The following PCDHGC4 variants were observed in gnomAD, a reference collection of about 807,000 sequenced individuals.
PCDHGC4 encodes protocadherin gamma subfamily C, 4.
A neutral mutation model predicts 59.7 loss-of-function variants in PCDHGC4; 15 were observed. The observed-to-expected ratio is 0.25, with a 90% CI of 0.17 to 0.39. PCDHGC4 has a LOEUF of 0.39. Among genes scored for constraint, PCDHGC4 ranks in the 10% least tolerant of loss-of-function variants. PCDHGC4 has a pLI of 1.00. For missense variants in PCDHGC4, 1,016 were observed against 1,189.5 expected, an observed-to-expected ratio of 0.85 and a Z score of 2.15; for synonymous variants, 434 against 481.4, an observed-to-expected ratio of 0.90 and a Z score of 1.29.
At position 141,486,931 on chromosome 5, in the gene PCDHGC4, T is replaced by C. The variant is rs201042803; in HGVS notation, c.1758T>C (p.Ala586=). 2 of 1,614,258 alleles carry C rather than the reference T, an allele frequency of 1.2e-6. No homozygotes were observed. Among genetic ancestry groups the C allele is most frequent in the East Asian group, 2.2e-5 (1 of 44,876 alleles). ...AAGCACTGCCTCCATCAGTTGGTGC[T>C]GGCCACCTAATCACAAAGGTGACTG... ...CPQALPPSVG[A]GHLITKVTAV... The change falls in exon 1 of 4, where the codon GCT becomes GCC. Residue 586 remains alanine (A), a synonymous_variant. Coordinates refer to ENST00000306593, the MANE Select transcript of PCDHGC4 (RefSeq NM_018928.3). This position sits in a 1 kb window ranked among gnomAD's most constrained non-coding sequence, Gnocchi z 5.0.
rs1264130543 is a variant in PCDHGC4 at position 141,485,467 on chromosome 5, C to T, written c.294C>T (p.Leu98=). 2 of 1,614,112 alleles carry T rather than the reference C, an allele frequency of 1.2e-6. No homozygotes were observed. The highest frequency in any genetic ancestry group is 1.7e-6 in the Non-Finnish European group (2 of 1,180,024). The change falls in exon 1 of 4, where the codon CTC becomes CTT. Residue 98 remains leucine (L), a synonymous_variant. Transcript: ENST00000306593. The surrounding 1 kb of genome is among the most constrained non-coding windows in gnomAD (Gnocchi z 5.7). ...TCGACCGAGAGGCACTGTGTGGGCT[C>T]AGTGCCAGCTGCATCGTGCCCCTGG... is the stretch of plus-strand genomic sequence containing the variant. The part of the protein sequence containing the change: ...NPIDREALCG[L]SASCIVPLEF...
At chr5:141,510,155 C>G (rs1044168112) in intron 3 of PCDHGC4, among the ~76,000 whole-genome samples, 2 of 151,942 alleles carry the variant, frequency 1.3e-5, no homozygotes, top group African/African-American at 4.8e-5. Context: ...CACCTGTAAT[C>G]TCAGCTACTC....
In PCDHGC4 at chr5:141,490,935, G is replaced by A. The variant is rs1371144225; in HGVS notation, c.2442+3320G>A. On this transcript the variant is annotated intron_variant, in intron 1 of 3. Transcript: ENST00000306593. The surrounding 1 kb of genome is among the most constrained non-coding windows in gnomAD (Gnocchi z 5.4). ...AGAATGATAATGCCCCAGCTGTGCTGCACCCACGGCCAGACTGGGAACACT... is the reference window on the plus strand; with the variant it reads ...AGAATGATAATGCCCCAGCTGTGCTACACCCACGGCCAGACTGGGAACACT... 1.9e-6 allele frequency: 3 copies of A among 1,613,638 alleles called. No homozygotes were observed. The highest frequency in any genetic ancestry group is 2.2e-5 in the South Asian group (2 of 91,032).
chr5:141,509,575 T>C (rs186302231), intron 3 of PCDHGC4, among the ~76,000 whole-genome samples: 153 of 152,320 alleles, frequency 1.0e-3, no homozygotes, highest in African/African-American at 3.7e-3. Flanking sequence ...TCACAGTGCG[T>C]ACAAATCAGC....
rs889285153 is a variant in PCDHGC4, at chr5:141,494,978, T to C, written c.2501+113T>C. ...TGCTACAGATGGCTTCTCCCTCAGT[T>C]TGAGATCCCAGGGAGGTCTTGGTGT... On this transcript the variant is annotated intron_variant, in intron 2 of 3. Transcript: ENST00000306593. 7.6e-6 allele frequency: 12 copies of C among 1,572,974 alleles called. No homozygotes were observed. In the Admixed American group the frequency reaches 1.3e-4, roughly 17 times the overall value.
At position 141,489,385 on chromosome 5, in the gene PCDHGC4, G is replaced by C. The variant is rs893348832; in HGVS notation, c.2442+1770G>C. The stretch of plus-strand genomic sequence containing the variant: ...GCCGGGGACGCTGGTGGGGAATGTT[G>C]CTCAGGATCTGGGCTTAAAGATGAC... On this transcript the variant is annotated intron_variant, in intron 1 of 3. Transcript: ENST00000306593. This position sits in a 1 kb window ranked among gnomAD's most constrained non-coding sequence, Gnocchi z 4.5. The C allele has an allele frequency of 6.2e-7, 1 of 1,613,924 alleles. No individual in the cohort carries two copies. Among genetic ancestry groups the C allele is most frequent in the Non-Finnish European group, 8.5e-7 (1 of 1,179,896 alleles).
chr5:141,497,954 G>A (rs1203635313), intron 2 of PCDHGC4, among the ~76,000 whole-genome samples: 7 of 152,198 alleles, frequency 4.6e-5, no homozygotes, highest in Non-Finnish European at 1.5e-5. Context: ...CTTTCTGTTG[G>A]CCAGGCAGTG....
intron 2 of PCDHGC4, among the ~76,000 whole-genome samples, chr5:141,503,744 A>G (rs1310696654): frequency 2.0e-5 from 3 of 152,112 alleles, no homozygotes; most frequent in African/African-American, 4.8e-5. Context: ...GATGGTATAG[A>G]GGTCACACAT....
chr5:141,487,068 T>C lies in PCDHGC4; in HGVS notation c.1895T>C (p.Val632Ala). ...SRYAGEVRTA[V>A]PIPADLPPQK... is the part of the protein sequence containing the mutation. ...TATGCTGGGGAGGTGCGGACGGCTG[T>C]TCCTATCCCAGCTGACCTCCCACCA... Residue 632 changes from valine (V) to alanine (A), a missense_variant, in exon 1 of 4, where the codon GTT becomes GCT. Val to Ala is a moderately conservative substitution (Grantham distance 64). Transcript: ENST00000306593. The surrounding 1 kb of genome is among the most constrained non-coding windows in gnomAD (Gnocchi z 5.0). The C allele has an allele frequency of 6.2e-7, 1 of 1,614,166 alleles. No individual in the cohort carries two copies. The highest frequency in any genetic ancestry group is 8.5e-7 in the Non-Finnish European group (1 of 1,180,016).
At chr5:141,509,887 T>C (rs138950510) in intron 3 of PCDHGC4, among the ~76,000 whole-genome samples, 1 of 152,314 alleles carries the variant, frequency 6.6e-6, no homozygotes, top group East Asian at 1.9e-4. Flanking sequence ...TGATGGTGAC[T>C]GACTGTCCCT....
At chr5:141,510,378 C>T (rs919650449) in intron 3 of PCDHGC4, among the ~76,000 whole-genome samples, 1 of 151,688 alleles carries the variant, frequency 6.6e-6, no homozygotes, top group African/African-American at 2.4e-5. Flanking sequence ...TCTACTCGTG[C>T]CAGGCCTTGC....
chr5:141,491,857 G>A lies in PCDHGC4; in HGVS notation c.2443-2950G>A. Reference sequence around the variant, plus strand: ...CTCGGGATCATTGGACCGTTTGCGCGAAACCAGAGTGGCCGATTAAGGGAT... The same window carrying A: ...CTCGGGATCATTGGACCGTTTGCGCAAAACCAGAGTGGCCGATTAAGGGAT... On this transcript the variant is annotated intron_variant, in intron 1 of 3. Transcript: ENST00000306593. This position sits in a 1 kb window ranked among gnomAD's most constrained non-coding sequence, Gnocchi z 6.9. The A allele has an allele frequency of 6.9e-7, 1 of 1,457,470 alleles. No homozygotes were observed. The highest frequency in any genetic ancestry group is 1.5e-5 in the South Asian group (1 of 68,508). The allele number at this position is 1,457,470 out of a possible 1,614,324, so 90.3% of individuals were successfully genotyped here. A position where few individuals can be genotyped will look rare whatever the true frequency, so the allele number is the denominator to read the frequency against.
rs1409012917 is a variant in PCDHGC4 at position 141,512,928 on chromosome 5, T to A, written c.*1755T>A. On this transcript the variant is annotated 3_prime_UTR_variant, in exon 4 of 4. Transcript: ENST00000306593. ...CAAGTTTTATACTCTAATATTTATA[T>A]GGCTTTTTTTCTTCGACAAAAAAAT... is the stretch of plus-strand genomic sequence containing the variant. 1.3e-5 allele frequency: 2 copies of A among 152,190 alleles called. No individual in the cohort carries two copies. Among genetic ancestry groups the A allele is most frequent in the Non-Finnish European group, 2.9e-5 (2 of 68,044 alleles). The allele number at this position is 152,190 out of a possible 1,614,324, so 9.4% of individuals were successfully genotyped here.
chr5:141,509,273 C>T (rs1026035086), intron 3 of PCDHGC4, among the ~76,000 whole-genome samples: 1 of 152,098 alleles, frequency 6.6e-6, no homozygotes, highest in Admixed American at 6.5e-5. Flanking sequence ...CTCTCGCTAC[C>T]CGCTCCCAGG....
intron 2 of PCDHGC4, among the ~76,000 whole-genome samples, chr5:141,497,336 A>G (rs558221190): frequency 1.6e-3 from 251 of 152,122 alleles, no homozygotes; most frequent in Non-Finnish European, 2.8e-3. Flanking sequence ...TTCACCATTG[A>G]ACCTGGAAGC....
At chr5:141,503,916 C>T (rs1372491893) in intron 2 of PCDHGC4, among the ~76,000 whole-genome samples, 1 of 152,246 alleles carries the variant, frequency 6.6e-6, no homozygotes, top group African/African-American at 2.4e-5. Context: ...CAACGCAACA[C>T]ACACACAGAC....
At chr5:141,505,352 C>CG in intron 2 of PCDHGC4, 41 bp from the exon 3 acceptor site, 1 of 1,613,302 alleles carries the variant, frequency 6.2e-7, no homozygotes, top group East Asian at 2.2e-5. Context: ...TGAGCTGTGC[C>CG]GGCCTGGGAG....
chr5:141,496,132 C>T (rs865808904), intron 2 of PCDHGC4, among the ~76,000 whole-genome samples: 1 of 152,058 alleles, frequency 6.6e-6, no homozygotes, highest in African/African-American at 2.4e-5. Flanking sequence ...CCCTCACACA[C>T]TGAGCCTTTG....
At chr5:141,502,512 T>C (rs1029375922) in intron 2 of PCDHGC4, among the ~76,000 whole-genome samples, 2 of 152,212 alleles carry the variant, frequency 1.3e-5, no homozygotes, top group East Asian at 1.9e-4. Context: ...CCTGTCCCAC[T>C]ATCAGTGATG....
Sources: allele counts gnomAD v4.1 joint callset (sites outside exome capture counted in the v4.1 genomes callset), GRCh38; gene constraint gnomAD v4.1.1; non-coding constraint Gnocchi (gnomAD v3.1); transcripts MANE v1.5; gene names NCBI Gene and HGNC (gene_info 2026-07-23, HGNC 2026-07-21).